CFAP69: variants seen among roughly 807,000 people sequenced by gnomAD.
CFAP69 encodes the protein cilia- and flagella-associated protein 69.
In CFAP69, 92 loss-of-function variants were observed where a neutral mutation model predicts 123.0. The ratio of observed to expected loss-of-function variants is 0.75; its 90% CI spans 0.63 to 0.89. CFAP69 has a LOEUF of 0.89. Among genes scored for constraint, CFAP69 ranks in the 40% least tolerant of loss-of-function variants. The pLI is 0.00. For synonymous variants in CFAP69, 380 were observed against 364.3 expected (o/e 1.04, Z -0.49); for missense variants, 1,067 against 1,096.9 (o/e 0.97, Z 0.39).
chr7:90,296,894 G>C, intron 15 of CFAP69, among the ~76,000 whole-genome samples: 1 of 152,098 alleles, frequency 6.6e-6, no homozygotes, highest in Admixed American at 6.6e-5. Context: ...TAAAATAAGG[G>C]ATTGTTGAGA....
chr7:90,263,429 C>T (rs1206459296), intron 4 of CFAP69, among the ~76,000 whole-genome samples: 3 of 152,092 alleles, frequency 2.0e-5, no homozygotes, highest in Non-Finnish European at 4.4e-5. Context: ...TTTCTCATGG[C>T]ATTAGAAGTA....
At chr7:90,265,411 A>G (rs764660283) in intron 5 of CFAP69, 34 bp downstream of exon 5, 6 of 1,392,722 alleles carry the variant, frequency 4.3e-6, no homozygotes, top group African/African-American at 4.3e-5. Flanking sequence ...ATAGGGATGT[A>G]ACATACGACA....
downstream of CFAP69, among the ~76,000 whole-genome samples, chr7:90,313,555 G>A (rs562697493): frequency 5.3e-5 from 8 of 152,272 alleles, no homozygotes; most frequent in South Asian, 6.2e-4. Flanking sequence ...TAAGGCTGGC[G>A]CAGAAATATA....
intron 14 of CFAP69, chr7:90,287,815 C>A: frequency 1.2e-6 from 1 of 866,010 alleles, no homozygotes; most frequent in Non-Finnish European, 1.4e-6. Flanking sequence ...GTTTTAACTA[C>A]ATTTATATCT....
intron 8 of CFAP69, among the ~76,000 whole-genome samples, chr7:90,272,586 T>A (rs1362538026): frequency 2.0e-5 from 3 of 152,116 alleles, no homozygotes; most frequent in African/African-American, 4.8e-5. Context: ...AAAACCCAAA[T>A]GACCAAAGCA....
chr7:90,250,050 C>T (rs1796776271), intron 1 of CFAP69, among the ~76,000 whole-genome samples: 2 of 152,062 alleles, frequency 1.3e-5, no homozygotes, highest in South Asian at 4.1e-4. Flanking sequence ...AGGGTTTTTG[C>T]AAGAAATAAC....
chr7:90,316,612 C>G, the CFAP69 span: 1 of 152,068 alleles, frequency 6.6e-6, no homozygotes, highest in East Asian at 1.9e-4. Context: ...GAATGATGAA[C>G]AGAAAGAAAA....
chr7:90,310,053 C>G lies in CFAP69; in HGVS notation c.2656-15C>G. Reference sequence around the variant, plus strand: ...TGTAAATGGACTTTTAGATATTTACCTTTTGCCTTTTTAGGTGCCCTCTGG... The same window carrying G: ...TGTAAATGGACTTTTAGATATTTACGTTTTGCCTTTTTAGGTGCCCTCTGG... On this transcript the variant is annotated splice_polypyrimidine_tract_variant and intron_variant, in intron 22 of 22. Coordinates refer to ENST00000389297, the MANE Select transcript of CFAP69 (RefSeq NM_001039706.3). The G allele has an allele frequency of 6.3e-7, 1 of 1,594,292 alleles. No homozygotes were observed. The highest frequency in any genetic ancestry group is 8.6e-7 in the Non-Finnish European group (1 of 1,169,510).
the CFAP69 span, among the ~76,000 whole-genome samples, chr7:90,320,089 G>C: frequency 1.2e-4 from 19 of 152,146 alleles, no homozygotes; most frequent in African/African-American, 4.3e-4. Context: ...TAGTGATACG[G>C]TTCCGCAAGT....
At chr7:90,296,248 G>T (rs978084791) in intron 15 of CFAP69, among the ~76,000 whole-genome samples, 6 of 152,074 alleles carry the variant, frequency 3.9e-5, no homozygotes, top group Admixed American at 3.9e-4. Flanking sequence ...TGTCGACAAG[G>T]CCTGTAAATA....
At chr7:90,313,515 GC>G (rs1794503231), downstream of CFAP69, among the ~76,000 whole-genome samples, 1 of 152,176 alleles carries the variant, frequency 6.6e-6, no homozygotes, top group Non-Finnish European at 1.5e-5. Flanking sequence ...AATAAAATGA[GC>G]CAGGGCTTCT....
chr7:90,256,222 T>C (rs1335584212), intron 2 of CFAP69, among the ~76,000 whole-genome samples: 1 of 152,192 alleles, frequency 6.6e-6, no homozygotes, highest in Non-Finnish European at 1.5e-5. Context: ...GTTCCTGTCC[T>C]TTCCAGGGAC....
rs752833547 is a variant in CFAP69, at chr7:90,258,175, A to AAGTGCTAGATGATTTTAGGTTTAC, written c.246+12_246+13insAGTGCTAGATGATTTTAGGTTTAC. On this transcript the variant is annotated intron_variant, in intron 3 of 22. Coordinates refer to ENST00000389297, the MANE Select transcript of CFAP69 (RefSeq NM_001039706.3). ...ATCAGAATGGACTTGTATCCTTTAC[A>AAGTGCTAGATGATTTTAGGTTTAC]TATATATGTATGTTCATTTCATTTA... is the stretch of plus-strand genomic sequence containing the variant. The AAGTGCTAGATGATTTTAGGTTTAC allele has an allele frequency of 6.6e-7, 1 of 1,514,618 alleles. No homozygotes were observed. Among genetic ancestry groups the AAGTGCTAGATGATTTTAGGTTTAC allele is most frequent in the Non-Finnish European group, 9.1e-7 (1 of 1,103,590 alleles). The allele number at this position is 1,514,618 out of a possible 1,614,324, so 93.8% of individuals were successfully genotyped here. A position where few individuals can be genotyped will look rare whatever the true frequency, so the allele number is the denominator to read the frequency against.
intron 22 of CFAP69, among the ~76,000 whole-genome samples, chr7:90,309,838 T>C (rs576650281): frequency 3.3e-5 from 5 of 152,308 alleles, no homozygotes; most frequent in Admixed American, 2.6e-4. Flanking sequence ...CCTGGTATCC[T>C]CTGCTAGACT....
At chr7:90,254,932 A>G (rs1399354225) in intron 1 of CFAP69, among the ~76,000 whole-genome samples, 1 of 152,182 alleles carries the variant, frequency 6.6e-6, no homozygotes, top group African/African-American at 2.4e-5. Context: ...GGACTCAAGA[A>G]ATATTTAAGA....
At chr7:90,320,716 A>T in the CFAP69 span, 1 of 152,354 alleles carries the variant, frequency 6.6e-6, no homozygotes, top group Non-Finnish European at 1.5e-5. Flanking sequence ...CCACCTCCCT[A>T]AAAAAGTTGG....
At position 90,282,960 on chromosome 7, in the gene CFAP69, C is replaced by T. The variant is rs767347326; in HGVS notation, c.1441C>T (p.Arg481Cys). The change falls in exon 13 of 23, where the codon CGT becomes TGT. Residue 481 changes from arginine to cysteine, a missense_variant. By Grantham distance (180) the Arg-to-Cys change is radical (BLOSUM62 -3). Coordinates refer to ENST00000389297, the MANE Select transcript of CFAP69 (RefSeq NM_001039706.3). ...CCGAGGCAACAAGTTTGCCCAGATG[C>T]GTTACAGTTTAAGACTCCTGAGAGC... Reference protein sequence around the residue: ...GGRGNKFAQMRYSLRLLRAVV... With the variant: ...GGRGNKFAQMCYSLRLLRAVV... 27 of 1,599,774 alleles carry T rather than the reference C, an allele frequency of 1.7e-5. No homozygotes were observed. The highest frequency in any genetic ancestry group is 3.5e-5 in the Admixed American group (2 of 57,684).
Position 90,254,856 on chromosome 7 carries a change from G to A in CFAP69, c.121-567G>A, listed in dbSNP as rs549862612. 1.4e-4 allele frequency among the ~76,000 whole-genome samples: 21 copies of A among 152,312 alleles called. No homozygotes were observed. The South Asian group carries it at 2.7e-3, about 20-fold the overall frequency. On this transcript the variant is annotated intron_variant, in intron 1 of 22. Coordinates refer to ENST00000389297, the MANE Select transcript of CFAP69 (RefSeq NM_001039706.3). The stretch of plus-strand genomic sequence containing the variant: ...TGAAGGGTGCAAGAGTGGAGTCGAC[G>A]AGAACAGCAGGAACCCCTTGAAATT...
At chr7:90,302,410 G>C (rs1273582800) in intron 17 of CFAP69, 1 of 152,146 alleles carries the variant, frequency 6.6e-6, no homozygotes, top group Non-Finnish European at 1.5e-5. Flanking sequence ...CCTAAGTCCA[G>C]ATTGCTACTG....
Sources: allele counts gnomAD v4.1 joint callset (sites outside exome capture counted in the v4.1 genomes callset), GRCh38; gene constraint gnomAD v4.1.1; transcripts MANE v1.5; gene names NCBI Gene and HGNC (gene_info 2026-07-23, HGNC 2026-07-21).